RUSC1: variants seen among roughly 807,000 people sequenced by gnomAD.
The protein encoded by RUSC1 is AP-4 complex accessory subunit RUSC1.
RUSC1 carries 40 observed loss-of-function variants against 72.1 expected under a neutral mutation model. The ratio of observed to expected loss-of-function variants is 0.55; its 90% CI spans 0.43 to 0.72. The LOEUF (loss-of-function observed/expected upper bound fraction) is 0.72, where lower values mean the gene tolerates loss of function less well. RUSC1 is among the 30% of genes least tolerant of loss of function. The pLI is 0.00. For missense variants in RUSC1, 1,092 were observed against 1,172.3 expected (o/e 0.93, Z 1.00); for synonymous variants, 512 against 494.2 (o/e 1.04, Z -0.48).
Position 155,321,674 on chromosome 1 carries a change from CCT to C in RUSC1, c.-86-11_-86-10del. 7.3e-6 allele frequency: 11 copies of C among 1,501,288 alleles called. No homozygotes were observed. The highest frequency in any genetic ancestry group is 1.2e-5 in the South Asian group (1 of 82,046). The allele number at this position is 1,501,288 out of a possible 1,614,324, so 93.0% of individuals were successfully genotyped here. ...TGTCCTCACTGGCCGGGCTTCACCA[CCT>C]CTGTCTTCTAGGTCTGCACCTGTGG... On this transcript the variant is annotated splice_polypyrimidine_tract_variant and intron_variant, in intron 1 of 9. Coordinates refer to ENST00000368352, the MANE Select transcript of RUSC1 (RefSeq NM_001105203.2).
chr1:155,322,963 T>TGCCCCCC lies in RUSC1; in HGVS notation c.1190_1191insGCCCCCC (p.Arg400ProfsTer58). 2 of 1,451,464 alleles carry TGCCCCCC rather than the reference T, an allele frequency of 1.4e-6. No homozygotes were observed. The highest frequency in any genetic ancestry group is 1.9e-6 in the Non-Finnish European group (2 of 1,073,030). 89.9% of individuals were successfully genotyped at this position (1,451,464 alleles called of 1,614,324 possible). A position where few individuals can be genotyped will look rare whatever the true frequency, so the allele number is the denominator to read the frequency against. ...GACCCCCCAGTTGGCTGGGCTTTGGTCCCGCCCCGGCCCCCACCCCCGCCT... is the reference window on the plus strand; with the variant it reads ...GACCCCCCAGTTGGCTGGGCTTTGGTGCCCCCCCCCGCCCCGGCCCCCACCCCCGCCT... On this transcript the variant is annotated frameshift_variant, in exon 2 of 10. Coordinates refer to ENST00000368352, the MANE Select transcript of RUSC1 (RefSeq NM_001105203.2). LOFTEE classifies it high-confidence loss of function.
chr1:155,321,209 C>A (rs367838241), intron 1 of RUSC1: 3 of 1,362,578 alleles, frequency 2.2e-6, no homozygotes, highest in South Asian at 1.2e-5. Flanking sequence ...GACAAGCTGA[C>A]GGCTGCTCCA....
chr1:155,324,560 C>T (rs1651060655), intron 2 of RUSC1: 1 of 1,582,012 alleles, frequency 6.3e-7, no homozygotes, highest in South Asian at 1.1e-5. Context: ...CGCGGCCATC[C>T]CGCTCCCGGA....
rs1319693579 is a variant in RUSC1 at position 155,326,936 on chromosome 1, T to A, written c.2218T>A (p.Tyr740Asn). Residue 740 changes from tyrosine (Y) to asparagine (N), a missense_variant, in exon 8 of 10, where the codon TAT becomes AAT. Coordinates refer to ENST00000368352, the MANE Select transcript of RUSC1 (RefSeq NM_001105203.2). This position sits in a 1 kb window ranked among gnomAD's most constrained non-coding sequence, Gnocchi z 4.7. Reference protein sequence around the residue: ...WEQLTQASRVYASGGTEGFPL... With the variant: ...WEQLTQASRVNASGGTEGFPL... ...GCAGTTGACCCAGGCCTCCCGGGTC[T>A]ATGCCTCTGGGGGCACTGAGGGCTT... The A allele has an allele frequency of 3.7e-6, 6 of 1,613,694 alleles. No homozygotes were observed. Among genetic ancestry groups the A allele is most frequent in the Non-Finnish European group, 5.1e-6 (6 of 1,180,032 alleles).
At chr1:155,323,251 C>T (rs913944894) in intron 2 of RUSC1, 121 bp downstream of exon 2, 318 of 1,137,082 alleles carry the variant, frequency 2.8e-4, no homozygotes, top group Non-Finnish European at 3.5e-4. Flanking sequence ...GCCCCTTCTA[C>T]CAGGGAGCGC....
In RUSC1 at chr1:155,321,972, C is replaced by CCAG. The variant is rs1650593649; in HGVS notation, c.201_203dup (p.Ala68dup). 6.3e-7 allele frequency: 1 copy of CCAG among 1,598,818 alleles called. No homozygotes were observed. The highest frequency in any genetic ancestry group is 1.3e-5 in the African/African-American group (1 of 74,750). ...CCTGGTGGACGCCAATTCCAACAGC[C>CCAG]CAGCTGTGCCCTGCCGGTGCTGCCA... On this transcript the variant is annotated inframe_insertion, in exon 2 of 10. Coordinates refer to ENST00000368352, the MANE Select transcript of RUSC1 (RefSeq NM_001105203.2).
intron 1 of RUSC1, chr1:155,321,220 T>A (rs531586242): frequency 7.4e-7 from 1 of 1,359,782 alleles, no homozygotes; most frequent in Non-Finnish European, 9.8e-7. Flanking sequence ...GGCTGCTCCA[T>A]CCTTTTCCTC....
At position 155,325,188 on chromosome 1, in the gene RUSC1, G is replaced by A; in HGVS notation, c.1533+10G>A. The A allele has an allele frequency of 1.2e-6, 2 of 1,614,216 alleles. No individual in the cohort carries two copies. The highest frequency in any genetic ancestry group is 2.2e-5 in the South Asian group (2 of 91,092). ...GAACTTGGTGCAGAAGGTGAAGGTGGCTGGGGGGAGGCTGTTGGGATGAGG... is the reference window on the plus strand; with the variant it reads ...GAACTTGGTGCAGAAGGTGAAGGTGACTGGGGGGAGGCTGTTGGGATGAGG... On this transcript the variant is annotated intron_variant, in intron 4 of 9. Transcript: ENST00000368352. The surrounding 1 kb of genome is among the most constrained non-coding windows in gnomAD (Gnocchi z 6.5).
rs1474604247 is a variant in RUSC1 at position 155,322,828 on chromosome 1, T to C, written c.1055T>C (p.Leu352Pro). ...ATAGTCTTCTCGCCCGACACCGAGCTCCCCCCCTCGGGGTCGCCGGGCGGC... is the reference window on the plus strand; with the variant it reads ...ATAGTCTTCTCGCCCGACACCGAGCCCCCCCCCTCGGGGTCGCCGGGCGGC... ...WLIVFSPDTE[L>P]PPSGSPGGSS... The change falls in exon 2 of 10, where the codon CTC becomes CCC. Residue 352 changes from leucine to proline, a missense_variant. Transcript: ENST00000368352. The C allele has an allele frequency of 2.5e-6, 4 of 1,610,998 alleles. No individual in the cohort carries two copies. The highest frequency in any genetic ancestry group is 1.7e-4 in the Middle Eastern group (1 of 6,006).
In RUSC1 at chr1:155,330,686, C is replaced by G; in HGVS notation, c.*115C>G. ...TGCAAAATGACGTTTCTTCCCACGT[C>G]TGTTTCTGCTAATATTTAAAATAAA... On this transcript the variant is annotated 3_prime_UTR_variant, in exon 10 of 10. Transcript: ENST00000368352. 1.9e-5 allele frequency: 19 copies of G among 995,700 alleles called. No individual in the cohort carries two copies. The highest frequency in any genetic ancestry group is 2.6e-5 in the Non-Finnish European group (18 of 698,778). 61.7% of individuals were successfully genotyped at this position (995,700 alleles called of 1,614,324 possible).
chr1:155,328,340 G>A (rs1286083441), intron 9 of RUSC1, 65 bp downstream of exon 9: 2 of 1,472,056 alleles, frequency 1.4e-6, no homozygotes, highest in African/African-American at 2.8e-5. Flanking sequence ...ATGGATGGGA[G>A]GTAGTGTAAA....
chr1:155,328,363 TTAAAA>T, intron 9 of RUSC1, 88 bp downstream of exon 9: 2 of 1,375,962 alleles, frequency 1.5e-6, no homozygotes, highest in South Asian at 1.6e-5. Flanking sequence ...ACCCTGGGCT[TTAAAA>T]TAAGACCGTG....
At position 155,321,956 on chromosome 1, in the gene RUSC1, C is replaced by T. The variant is rs1314121719; in HGVS notation, c.183C>T (p.Asp61=). The change falls in exon 2 of 10, where the codon GAC becomes GAT. Residue 61 remains aspartate, a synonymous_variant. Transcript: ENST00000368352. ...GCCCCTGCAGTGGCACCCTGGTGGACGCCAATTCCAACAGCCCAGCTGTGC... is the reference window on the plus strand; with the variant it reads ...GCCCCTGCAGTGGCACCCTGGTGGATGCCAATTCCAACAGCCCAGCTGTGC... ...SRGPCSGTLV[D]ANSNSPAVPC... 5.0e-6 allele frequency: 8 copies of T among 1,599,756 alleles called. No individual in the cohort carries two copies. Among genetic ancestry groups the T allele is most frequent in the African/African-American group, 1.3e-5 (1 of 74,600 alleles).
chr1:155,323,041 G>T lies in RUSC1; in HGVS notation c.1268G>T (p.Gly423Val). ...NRPGLQPIAE[G>V]QSEEGRAVSP... ...CCTGGACTGCAGCCCATAGCGGAGG[G>T]GCAGTCCGAGGAGGGCCGGGCTGTC... is the stretch of plus-strand genomic sequence containing the variant. Residue 423 changes from glycine to valine, a missense_variant, in exon 2 of 10, where the codon GGG becomes GTG. Physicochemically the swap from Gly to Val is moderately radical, Grantham distance 109. Transcript: ENST00000368352. 2 of 1,461,764 alleles carry T rather than the reference G, an allele frequency of 1.4e-6. No homozygotes were observed. The allele number at this position is 1,461,764 out of a possible 1,614,324, so 90.5% of individuals were successfully genotyped here. A position where few individuals can be genotyped will look rare whatever the true frequency, so the allele number is the denominator to read the frequency against.
rs142598045 is a variant in RUSC1 at position 155,325,614 on chromosome 1, C to G, written c.1756C>G (p.Leu586Val). The change falls in exon 6 of 10, where the codon CTA becomes GTA. Residue 586 changes from leucine to valine, a missense_variant. Physicochemically the swap from Leu to Val is conservative, Grantham distance 32. Transcript: ENST00000368352. The surrounding 1 kb of genome is among the most constrained non-coding windows in gnomAD (Gnocchi z 6.5). ...AACCCTGTATAGCCAGGTCAGCCGT[C>G]TAGCCCCGCTGAGCAGCAGCCGTAG... ...LGTLYSQVSR[L>V]APLSSSRSRF... The G allele has an allele frequency of 2.5e-4, 411 of 1,613,042 alleles. 1 individual carries two copies. Among genetic ancestry groups the G allele is most frequent in the Non-Finnish European group, 3.2e-4 (372 of 1,180,004 alleles).
Position 155,326,017 on chromosome 1 carries a change from A to G in RUSC1, c.1861+107A>G. Reference sequence around the variant, plus strand: ...TGCTGCCAGAATGCCATTAATCCAGATCTCCGATCTTATTACTCTTCTAAT... The same window carrying G: ...TGCTGCCAGAATGCCATTAATCCAGGTCTCCGATCTTATTACTCTTCTAAT... On this transcript the variant is annotated intron_variant, in intron 7 of 9. Transcript: ENST00000368352. The surrounding 1 kb of genome is among the most constrained non-coding windows in gnomAD (Gnocchi z 4.7). 6 of 1,174,476 alleles carry G rather than the reference A, an allele frequency of 5.1e-6. No homozygotes were observed. The highest frequency in any genetic ancestry group is 6.4e-6 in the Non-Finnish European group (5 of 784,692). 72.8% of individuals were successfully genotyped at this position (1,174,476 alleles called of 1,614,324 possible).
intron 2 of RUSC1, chr1:155,323,379 G>C (rs1046962597): frequency 2.7e-6 from 1 of 370,098 alleles, no homozygotes; most frequent in Admixed American, 4.6e-5. Context: ...CTCTGCGCCT[G>C]GCCCCGCCAA....
At position 155,322,508 on chromosome 1, in the gene RUSC1, A is replaced by G; in HGVS notation, c.735A>G (p.Glu245=). 1 of 1,613,260 alleles carries G rather than the reference A, an allele frequency of 6.2e-7. No homozygotes were observed. Among genetic ancestry groups the G allele is most frequent in the Non-Finnish European group, 8.5e-7 (1 of 1,179,376 alleles). ...WKIDTEKTKA[E]WKTTENNNTG... is the part of the protein sequence containing the mutation. ...TTGACACAGAGAAAACTAAAGCTGA[A>G]TGGAAAACCACTGAAAACAATAACA... Residue 245 remains glutamate, a synonymous_variant, in exon 2 of 10, where the codon GAA becomes GAG. Transcript: ENST00000368352.
rs774441166 is a variant in RUSC1 at position 155,325,081 on chromosome 1, TC to T, written c.1457-18del. 7 of 1,614,114 alleles carry T rather than the reference TC, an allele frequency of 4.3e-6. No individual in the cohort carries two copies. In the South Asian group the frequency reaches 7.7e-5, roughly 18 times the overall value. The stretch of plus-strand genomic sequence containing the variant: ...GTAGGGGCGCGGCCTCCTAGCGTCT[TC>T]CCTTTCCCACTCCTCCCAGGTCTTC... On this transcript the variant is annotated intron_variant, in intron 3 of 9. Transcript: ENST00000368352. The surrounding 1 kb of genome is among the most constrained non-coding windows in gnomAD (Gnocchi z 6.5).
Sources: gnomAD v4.1 joint callset for allele counts on GRCh38, gnomAD v4.1.1 for gene constraint, Gnocchi (gnomAD v3.1) non-coding constraint, MANE v1.5 for transcripts, NCBI Gene and HGNC (gene_info 2026-07-23, HGNC 2026-07-21) for gene names.